Variants in PLCB4 observed in about 807,000 individuals in gnomAD.
PLCB4 encodes the protein 1-phosphatidylinositol 4,5-bisphosphate phosphodiesterase beta-4.
In PLCB4, 77 loss-of-function variants were observed where a neutral mutation model predicts 178.8. The ratio of observed to expected loss-of-function variants is 0.43; its 90% CI spans 0.36 to 0.52. PLCB4 has a LOEUF of 0.52. Ranked by LOEUF, PLCB4 falls within the 20% of genes least tolerant of loss-of-function variation. The pLI is 0.00. For missense variants in PLCB4, 1,024 were observed against 1,453.4 expected (o/e 0.70, Z 4.80); for synonymous variants, 496 against 490.8 (o/e 1.01, Z -0.14).
intron 4 of PLCB4, among the ~76,000 whole-genome samples, chr20:9,323,982 C>G (rs2029923775): frequency 6.6e-6 from 1 of 152,154 alleles, no homozygotes; most frequent in Non-Finnish European, 1.5e-5. Context: ...CTCGGTTTCT[C>G]TCCCCTTTCT....
chr20:9,098,838 T>C (rs1204310660), intron 2 of PLCB4, among the ~76,000 whole-genome samples: 1 of 144,928 alleles, frequency 6.9e-6, no homozygotes, highest in Admixed American at 7.1e-5. Flanking sequence ...TCTTTTACAA[T>C]ACTCCACAGC....
chr20:9,179,835 A>T (rs560503198), intron 2 of PLCB4, among the ~76,000 whole-genome samples: 31 of 152,312 alleles, frequency 2.0e-4, no homozygotes, highest in Non-Finnish European at 3.7e-4. Context: ...GTTAGAATAG[A>T]TTATCTCAGG....
chr20:9,283,732 A>G (rs537073811), intron 3 of PLCB4, among the ~76,000 whole-genome samples: 2 of 152,042 alleles, frequency 1.3e-5, no homozygotes, highest in Admixed American at 6.6e-5. Flanking sequence ...CTTATCCACT[A>G]TTGAATTCTG....
At chr20:9,124,278 G>A (rs1001866708) in intron 2 of PLCB4, among the ~76,000 whole-genome samples, 2 of 152,066 alleles carry the variant, frequency 1.3e-5, no homozygotes, top group Non-Finnish European at 2.9e-5. Flanking sequence ...GACTGAAGTG[G>A]GAGGATTGCT....
rs761259915 is a variant in PLCB4, at chr20:9,473,339, G to C, written c.3469G>C (p.Glu1157Gln). 6.3e-7 allele frequency: 1 copy of C among 1,586,364 alleles called. No homozygotes were observed. Among genetic ancestry groups the C allele is most frequent in the Non-Finnish European group, 8.6e-7 (1 of 1,164,144 alleles). ...GAAAAAAGTCCAGCTTGAACATCTAGAATTCCTAGAGAAACAGAATGAGCA... is the reference window on the plus strand; with the variant it reads ...GAAAAAAGTCCAGCTTGAACATCTACAATTCCTAGAGAAACAGAATGAGCA... ...QLKKVQLEHL[E>Q]FLEKQNEQLL... Residue 1157 changes from glutamate to glutamine, a missense_variant, in exon 38 of 40, where the codon GAA (glutamate) becomes CAA (glutamine). Around this residue, in one of 7 missense-constraint regions of PLCB4, gnomAD observed 264 missense variants for 283.2 expected, o/e 0.93. Transcript: ENST00000378473.
At chr20:9,437,192 C>T (rs755958129) in intron 30 of PLCB4, 40 bp downstream of exon 30, 8 of 1,568,834 alleles carry the variant, frequency 5.1e-6, no homozygotes, top group Non-Finnish European at 7.0e-6. Flanking sequence ...TCTGCACCCA[C>T]CTTAATTACA....
chr20:9,117,174 C>T (rs2091808376), intron 2 of PLCB4, among the ~76,000 whole-genome samples: 1 of 152,148 alleles, frequency 6.6e-6, no homozygotes, highest in South Asian at 2.1e-4. Flanking sequence ...CTTCATTCAT[C>T]ATTTACTTTG....
chr20:9,168,738 CTG>C (rs1384038367), intron 2 of PLCB4, among the ~76,000 whole-genome samples: 1 of 152,210 alleles, frequency 6.6e-6, no homozygotes, highest in Non-Finnish European at 1.5e-5. Context: ...AAGCTCATGA[CTG>C]AGATGTGATT....
At chr20:9,145,978 C>A (rs1180194362) in intron 2 of PLCB4, among the ~76,000 whole-genome samples, 1 of 152,156 alleles carries the variant, frequency 6.6e-6, no homozygotes, top group African/African-American at 2.4e-5. Flanking sequence ...GGAAGAATTT[C>A]CAGCAGAAGA....
intron 3 of PLCB4, among the ~76,000 whole-genome samples, chr20:9,281,490 G>A (rs1480172897): frequency 6.6e-6 from 1 of 151,804 alleles, no homozygotes; most frequent in Admixed American, 6.6e-5. Context: ...TTAAAATGAT[G>A]GAATGAAAAC....
At chr20:9,076,790 A>G (rs1031409380) in intron 1 of PLCB4, among the ~76,000 whole-genome samples, 1 of 151,834 alleles carries the variant, frequency 6.6e-6, no homozygotes, top group African/African-American at 2.4e-5. Context: ...AGATGCTATT[A>G]TTGGACAAAT....
At chr20:9,147,990 T>C (rs2092628474) in intron 2 of PLCB4, among the ~76,000 whole-genome samples, 1 of 152,180 alleles carries the variant, frequency 6.6e-6, no homozygotes, top group Non-Finnish European at 1.5e-5. Context: ...GACTGTACTT[T>C]TGATACTGAT....
intron 2 of PLCB4, among the ~76,000 whole-genome samples, chr20:9,144,861 AAGATCAT>A (rs2092569264): frequency 6.6e-6 from 1 of 152,062 alleles, no homozygotes; most frequent in South Asian, 2.1e-4. Flanking sequence ...ACGCAGCCAA[AAGATCAT>A]TCATGTAACA....
intron 28 of PLCB4, among the ~76,000 whole-genome samples, chr20:9,434,567 G>A (rs2041642805): frequency 6.6e-6 from 1 of 152,040 alleles, no homozygotes; most frequent in Admixed American, 6.6e-5. Context: ...GTAAAGACGG[G>A]GTTTCACCAT....
intron 2 of PLCB4, among the ~76,000 whole-genome samples, chr20:9,168,434 A>G (rs1358111005): frequency 6.6e-6 from 1 of 152,156 alleles, no homozygotes; most frequent in African/African-American, 2.4e-5. Context: ...GACCCAAGTA[A>G]TTGAGACTCG....
intron 28 of PLCB4, among the ~76,000 whole-genome samples, chr20:9,426,577 A>G (rs769312659): frequency 2.6e-5 from 4 of 152,012 alleles, no homozygotes; most frequent in African/African-American, 4.8e-5. Flanking sequence ...GGGTTTCACC[A>G]TGTTGGCCAG....
rs751934295 is a variant in PLCB4, at chr20:9,372,371, T to C, written c.654T>C (p.Pro218=). Residue 218 remains proline, a synonymous_variant, in exon 11 of 40, where the codon CCT becomes CCC. Coordinates refer to ENST00000378473, the MANE Select transcript of PLCB4 (RefSeq NM_001377142.1). ...ATGAACTGACACAAAAGATTTGTCC[T>C]CGGACAGATATAGAAGATCTTTTCA... ...KFYELTQKIC[P]RTDIEDLFKK... is the part of the protein sequence containing the mutation. 1 of 1,597,352 alleles carries C rather than the reference T, an allele frequency of 6.3e-7. No homozygotes were observed. Among genetic ancestry groups the C allele is most frequent in the Non-Finnish European group, 8.6e-7 (1 of 1,165,792 alleles).
At chr20:9,250,066 C>T (rs1163164351) in intron 3 of PLCB4, among the ~76,000 whole-genome samples, 1 of 152,190 alleles carries the variant, frequency 6.6e-6, no homozygotes, top group African/African-American at 2.4e-5. Context: ...ACCATTGCCT[C>T]TAAGCAGCAA....
chr20:9,473,243 G>A, intron 37 of PLCB4, 36 bp from the exon 38 acceptor site: 1 of 1,319,978 alleles, frequency 7.6e-7, no homozygotes, highest in African/African-American at 1.6e-5. Context: ...GTAACCCAAA[G>A]TTCAATCAGA....
Sources: allele counts gnomAD v4.1 joint callset (sites outside exome capture counted in the v4.1 genomes callset), GRCh38; gene constraint gnomAD v4.1.1; regional missense constraint gnomAD v4.1.1; transcripts MANE v1.5; gene names NCBI Gene and HGNC (gene_info 2026-07-23, HGNC 2026-07-21).